Variants in AKAP12 observed in about 807,000 individuals in gnomAD.
AKAP12 encodes A-kinase anchoring protein 12.
A neutral mutation model predicts 79.9 loss-of-function variants in AKAP12; 32 were observed. The ratio of observed to expected loss-of-function variants is 0.40; its 90% CI spans 0.30 to 0.54. AKAP12 has a LOEUF of 0.54. Among genes scored for constraint, AKAP12 ranks in the 20% least tolerant of loss-of-function variants. The pLI is 0.48. For missense variants in AKAP12, 2,074 were observed against 2,177.0 expected, an observed-to-expected ratio of 0.95 and a Z score of 0.94; for synonymous variants, 808 against 857.0, an observed-to-expected ratio of 0.94 and a Z score of 1.00.
At chr6:151,327,365 C>G (rs1156461446) in intron 3 of AKAP12, among the ~76,000 whole-genome samples, 1 of 151,972 alleles carries the variant, frequency 6.6e-6, no homozygotes, top group Non-Finnish European at 1.5e-5. Flanking sequence ...TGCCATATCT[C>G]GAAACTATTA....
At chr6:151,273,809 C>T (rs946246817) in intron 2 of AKAP12, among the ~76,000 whole-genome samples, 3 of 152,056 alleles carry the variant, frequency 2.0e-5, no homozygotes, top group African/African-American at 7.2e-5. Context: ...GCGGGTGGAT[C>T]ATGAGGTCAG....
chr6:151,281,129 C>G (rs1424368190), intron 2 of AKAP12, among the ~76,000 whole-genome samples: 1 of 152,184 alleles, frequency 6.6e-6, no homozygotes, highest in African/African-American at 2.4e-5. Flanking sequence ...GTAGAAGGGG[C>G]ATGTGCGTGG....
intron 3 of AKAP12, among the ~76,000 whole-genome samples, chr6:151,329,205 C>T (rs988087403): frequency 6.6e-6 from 1 of 152,124 alleles, no homozygotes; most frequent in Non-Finnish European, 1.5e-5. Context: ...ACCTCCACCT[C>T]CCGGGTTCAA....
At chr6:151,316,058 A>G (rs573759004) in intron 3 of AKAP12, among the ~76,000 whole-genome samples, 5 of 150,936 alleles carry the variant, frequency 3.3e-5, no homozygotes, top group African/African-American at 1.2e-4. Context: ...GGGGACACAG[A>G]CAAACCATAT....
chr6:151,298,053 G>A (rs987907129), intron 2 of AKAP12, among the ~76,000 whole-genome samples: 24 of 117,136 alleles, frequency 2.0e-4, no homozygotes, highest in East Asian at 1.0e-3. Context: ...GGGAAGATGA[G>A]CTCAGAGTAA....
Position 151,240,470 on chromosome 6 carries a change from C to A in AKAP12, c.-93C>A. The A allele has an allele frequency of 7.8e-7, 1 of 1,289,822 alleles. No individual in the cohort carries two copies. Among genetic ancestry groups the A allele is most frequent in the Non-Finnish European group, 9.9e-7 (1 of 1,014,314 alleles). The allele number at this position is 1,289,822 out of a possible 1,614,324, so 79.9% of individuals were successfully genotyped here. On this transcript the variant is annotated 5_prime_UTR_variant, in exon 2 of 5. Transcript: ENST00000402676. Reference sequence around the variant, plus strand: ...GCGAAGGAAGGCGCTCTCGGGACCTCGCGGGCGCGCGTCTTTTGGCTCTTG... The same window carrying A: ...GCGAAGGAAGGCGCTCTCGGGACCTAGCGGGCGCGCGTCTTTTGGCTCTTG...
At chr6:151,278,008 A>T (rs565789154) in intron 2 of AKAP12, among the ~76,000 whole-genome samples, 1 of 151,574 alleles carries the variant, frequency 6.6e-6, no homozygotes, top group African/African-American at 2.4e-5. Flanking sequence ...TTGTCTTACT[A>T]TTGTGGAAGG....
rs1219163090 is a variant in AKAP12, at chr6:151,358,452, T to C, written c.*2738T>C. On this transcript the variant is annotated 3_prime_UTR_variant, in exon 5 of 5. Coordinates refer to ENST00000402676, the MANE Select transcript of AKAP12 (RefSeq NM_005100.4). ...CAATATAAGCTTCCAGCTTAGCAATTACCTCTAGTCGAAGACAATATTTGA... is the reference window on the plus strand; with the variant it reads ...CAATATAAGCTTCCAGCTTAGCAATCACCTCTAGTCGAAGACAATATTTGA... 1 of 152,262 alleles carries C rather than the reference T, an allele frequency of 6.6e-6. No homozygotes were observed. The highest frequency in any genetic ancestry group is 1.9e-4 in the East Asian group (1 of 5,202). The allele number at this position is 152,262 out of a possible 1,614,324, so 9.4% of individuals were successfully genotyped here.
intron 2 of AKAP12, among the ~76,000 whole-genome samples, chr6:151,281,859 C>G (rs772133107): frequency 6.6e-6 from 1 of 151,802 alleles, no homozygotes; most frequent in Non-Finnish European, 1.5e-5. Context: ...TCCCCAACAC[C>G]CAGCTAATTT....
intron 2 of AKAP12, among the ~76,000 whole-genome samples, chr6:151,262,171 A>C (rs1358256646): frequency 1.3e-5 from 2 of 151,968 alleles, no homozygotes; most frequent in African/African-American, 4.8e-5. Flanking sequence ...CACTGGTCTC[A>C]GGTGATCCAC....
At chr6:151,276,419 C>T (rs1403744098) in intron 2 of AKAP12, among the ~76,000 whole-genome samples, 1 of 152,210 alleles carries the variant, frequency 6.6e-6, no homozygotes, top group Non-Finnish European at 1.5e-5. Context: ...TTCATAGCTG[C>T]CAGTACATTC....
rs1207893969 is a variant in AKAP12, at chr6:151,353,615, C to G, written c.5224C>G (p.Gln1742Glu). The change falls in exon 4 of 5, where the codon CAG becomes GAG. Residue 1742 changes from glutamine to glutamate, a missense_variant. By Grantham distance (29) the Gln-to-Glu change is conservative. Coordinates refer to ENST00000402676, the MANE Select transcript of AKAP12 (RefSeq NM_005100.4). ...AAAACAAAAAGAGAAGGAGGATGCC[C>G]AGGAAGTAGAATTGCAGGAAGGAAA... ...GPKQKEKEDA[Q>E]EVELQEGKVH... The G allele has an allele frequency of 6.2e-7, 1 of 1,613,900 alleles. No individual in the cohort carries two copies. Among genetic ancestry groups the G allele is most frequent in the Non-Finnish European group, 8.5e-7 (1 of 1,179,998 alleles).
chr6:151,321,907 T>TG (rs1562737994), intron 3 of AKAP12, among the ~76,000 whole-genome samples: 5,049 of 143,934 alleles, frequency 0.035, 322 homozygotes, highest in African/African-American at 0.13. Flanking sequence ...CTTTATGTTT[T>TG]TTTTTTTTTT....
At chr6:151,249,325 TTC>T (rs1318719949) in intron 2 of AKAP12, among the ~76,000 whole-genome samples, 1 of 152,224 alleles carries the variant, frequency 6.6e-6, no homozygotes, top group Non-Finnish European at 1.5e-5. Context: ...TCATAAATAT[TTC>T]TGTTTTAATT....
At chr6:151,348,680 T>TGGGGGCGCC in intron 3 of AKAP12, 31 bp from the exon 4 acceptor site, 1 of 355,202 alleles carries the variant, frequency 2.8e-6, no homozygotes, top group Non-Finnish European at 5.5e-6. Context: ...TTTTCTCTTC[T>TGGGGGCGCC]CCCCACCCCC....
At chr6:151,323,688 T>C (rs1777456806) in intron 3 of AKAP12, 1 of 984,762 alleles carries the variant, frequency 1.0e-6, no homozygotes, top group Non-Finnish European at 1.2e-6. Flanking sequence ...GTGTAACTAG[T>C]GACATTTTGT....
At chr6:151,354,520 C>G (rs536844107) in intron 4 of AKAP12, among the ~76,000 whole-genome samples, 1 of 152,042 alleles carries the variant, frequency 6.6e-6, no homozygotes, top group East Asian at 2.0e-4. Context: ...ACTACAGGTG[C>G]CCGCCACCAT....
chr6:151,273,430 C>G (rs1302902833), intron 2 of AKAP12, among the ~76,000 whole-genome samples: 5 of 152,218 alleles, frequency 3.3e-5, no homozygotes, highest in Non-Finnish European at 7.3e-5. Flanking sequence ...AGTATATTCA[C>G]ATCCAGTGAT....
chr6:151,247,326 A>G (rs534511233), intron 2 of AKAP12, among the ~76,000 whole-genome samples: 3 of 152,116 alleles, frequency 2.0e-5, no homozygotes, highest in African/African-American at 7.2e-5. Context: ...GCTTCCACCC[A>G]GGAGTATGAG....
Sources: gnomAD v4.1 joint callset for allele counts (sites outside exome capture counted in the v4.1 genomes callset) on GRCh38, gnomAD v4.1.1 for gene constraint, MANE v1.5 for transcripts, NCBI Gene and HGNC (gene_info 2026-07-23, HGNC 2026-07-21) for gene names.